SLC7A1: variants seen among roughly 807,000 people sequenced by gnomAD.
SLC7A1 encodes the protein high affinity cationic amino acid transporter 1.
Under a neutral mutation model 53.9 loss-of-function variants are expected in SLC7A1, and 10 were observed. The ratio of observed to expected loss-of-function variants is 0.19; its 90% CI spans 0.11 to 0.31. SLC7A1 has a LOEUF of 0.31. Ranked by LOEUF, SLC7A1 falls within the 10% of genes least tolerant of loss-of-function variation. SLC7A1 has a pLI of 1.00. For missense variants in SLC7A1, 525 were observed against 827.2 expected (o/e 0.63, Z 4.48); for synonymous variants, 342 against 338.7 (o/e 1.01, Z -0.11).
intron 1 of SLC7A1, among the ~76,000 whole-genome samples, chr13:29,567,244 C>T (rs1871006384): frequency 6.6e-6 from 1 of 152,060 alleles, no homozygotes; most frequent in Non-Finnish European, 1.5e-5. Context: ...TAAATAATGC[C>T]ATACACGTGG....
intron 1 of SLC7A1, among the ~76,000 whole-genome samples, chr13:29,587,273 G>A (rs962275788): frequency 6.6e-6 from 1 of 152,178 alleles, no homozygotes; most frequent in Non-Finnish European, 1.5e-5. Flanking sequence ...TTCTGGGCCA[G>A]GAAAGGGGAG....
chr13:29,524,677 C>T (rs535719164), intron 5 of SLC7A1, among the ~76,000 whole-genome samples: 90 of 152,252 alleles, frequency 5.9e-4, no homozygotes, highest in African/African-American at 2.1e-3. Flanking sequence ...AACTCAATCT[C>T]AAAACAAACA....
chr13:29,520,130 T>C (rs1868562891), intron 8 of SLC7A1, among the ~76,000 whole-genome samples: 1 of 152,020 alleles, frequency 6.6e-6, no homozygotes, highest in African/African-American at 2.4e-5. Context: ...TCCATCTATC[T>C]ATCCATCCAT....
At chr13:29,578,304 T>C (rs1164966231) in intron 1 of SLC7A1, among the ~76,000 whole-genome samples, 4 of 152,166 alleles carry the variant, frequency 2.6e-5, no homozygotes, top group African/African-American at 9.7e-5. Flanking sequence ...TTTTGTTTTT[T>C]GCAAATCGAA....
rs146432104 is a variant in SLC7A1 at position 29,576,292 on chromosome 13, T to TAAAAAAAAAAA, written c.-115+19123_-115+19124insTTTTTTTTTTT. Among the ~76,000 whole-genome samples, 206 of 107,134 alleles carry TAAAAAAAAAAA rather than the reference T, an allele frequency of 1.9e-3. 4 individuals carry two copies. The highest frequency in any genetic ancestry group is 8.5e-3 in the African/African-American group (183 of 21,566). 70.3% of individuals were successfully genotyped at this position (107,134 alleles called of 152,430 possible). ...GGGTATCAGTATGAGATCCTGTTTTTTAAAAAAAAAAAAAAGGAAAGAAAA... is the reference window on the plus strand; with the variant it reads ...GGGTATCAGTATGAGATCCTGTTTTTAAAAAAAAAAATAAAAAAAAAAAAAAGGAAAGAAAA... On this transcript the variant is annotated intron_variant, in intron 1 of 12. Transcript: ENST00000380752.
At chr13:29,520,724 T>C (rs1387393661) in intron 8 of SLC7A1, among the ~76,000 whole-genome samples, 2 of 152,190 alleles carry the variant, frequency 1.3e-5, no homozygotes, top group South Asian at 2.1e-4. Flanking sequence ...CAAGCCCCTC[T>C]AGATCACTGC....
chr13:29,565,287 G>A (rs1718334516), intron 1 of SLC7A1, among the ~76,000 whole-genome samples: 1 of 152,178 alleles, frequency 6.6e-6, no homozygotes, highest in South Asian at 2.1e-4. Context: ...AGATGCATGA[G>A]TACAATACAA....
chr13:29,538,649 T>C (rs1484735297), intron 2 of SLC7A1, among the ~76,000 whole-genome samples: 1 of 152,264 alleles, frequency 6.6e-6, no homozygotes, highest in Non-Finnish European at 1.5e-5. Flanking sequence ...GCCTTTTTCT[T>C]TTCTTCCTTT....
chr13:29,534,285 C>T lies in SLC7A1; in HGVS notation c.371-1303G>A, dbSNP rs149767393. On this transcript the variant is annotated intron_variant, in intron 3 of 12. Transcript: ENST00000380752. ...ATGCAAATGGTTTCACACAAGCAAACGGCACTCTCGCAGAGCCTTACATTT... is the reference window on the plus strand; with the variant it reads ...ATGCAAATGGTTTCACACAAGCAAATGGCACTCTCGCAGAGCCTTACATTT... 3.5e-3 allele frequency among the ~76,000 whole-genome samples: 533 copies of T among 152,312 alleles called. 6 individuals carry two copies. Among genetic ancestry groups the T allele is most frequent in the African/African-American group, 0.012 (512 of 41,554 alleles).
At chr13:29,578,829 G>T (rs1284246307) in intron 1 of SLC7A1, among the ~76,000 whole-genome samples, 1 of 152,220 alleles carries the variant, frequency 6.6e-6, no homozygotes, top group Admixed American at 6.5e-5. Flanking sequence ...GAGTCCTCTT[G>T]TTCTCAGACC....
chr13:29,579,945 T>C (rs766999830), intron 1 of SLC7A1, among the ~76,000 whole-genome samples: 2 of 152,204 alleles, frequency 1.3e-5, no homozygotes, highest in Admixed American at 6.5e-5. Context: ...AGACCCATTG[T>C]TCCTACTAGA....
chr13:29,524,295 C>T (rs922358203), intron 5 of SLC7A1, 42 bp from the exon 6 acceptor site: 37 of 1,612,460 alleles, frequency 2.3e-5, no homozygotes, highest in Middle Eastern at 1.7e-4. Flanking sequence ...TCACTCGCTG[C>T]GCAGTCTGGC....
At chr13:29,563,330 G>A (rs539308210) in intron 1 of SLC7A1, among the ~76,000 whole-genome samples, 42 of 152,332 alleles carry the variant, frequency 2.8e-4, no homozygotes, top group Non-Finnish European at 4.9e-4. Context: ...CGTGTGCAAC[G>A]GTGGACGGCA....
intron 1 of SLC7A1, among the ~76,000 whole-genome samples, chr13:29,582,910 C>T (rs1203589214): frequency 1.3e-5 from 2 of 152,198 alleles, no homozygotes; most frequent in Admixed American, 6.5e-5. Context: ...TAGCTACCTA[C>T]ACGCTCTTTA....
At chr13:29,573,124 G>A (rs989843347) in intron 1 of SLC7A1, among the ~76,000 whole-genome samples, 3 of 152,086 alleles carry the variant, frequency 2.0e-5, no homozygotes, top group Non-Finnish European at 2.9e-5. Context: ...TAAACTGAAG[G>A]TCACTCAGGA....
At chr13:29,535,661 A>T (rs1869376013) in intron 3 of SLC7A1, among the ~76,000 whole-genome samples, 158 bp downstream of exon 3, 1 of 152,236 alleles carries the variant, frequency 6.6e-6, no homozygotes, top group Admixed American at 6.5e-5. Context: ...CTACTAAAAG[A>T]AACTAAATAC....
intron 5 of SLC7A1, among the ~76,000 whole-genome samples, chr13:29,528,174 TAACCAAAGAA>T (rs1868986206): frequency 6.6e-6 from 1 of 152,230 alleles, no homozygotes; most frequent in African/African-American, 2.4e-5. Context: ...CCCCAGAGGT[TAACCAAAGAA>T]AACCAAAGCC....
intron 1 of SLC7A1, among the ~76,000 whole-genome samples, chr13:29,554,133 A>G (rs1426152336): frequency 6.6e-6 from 1 of 152,200 alleles, no homozygotes; most frequent in South Asian, 2.1e-4. Flanking sequence ...TATTTCAAAG[A>G]GGAAGATAGA....
chr13:29,595,265 G>A (rs1212973780), intron 1 of SLC7A1, among the ~76,000 whole-genome samples, 151 bp downstream of exon 1: 1 of 151,912 alleles, frequency 6.6e-6, no homozygotes, highest in Non-Finnish European at 1.5e-5. Flanking sequence ...CCCTGGTCCT[G>A]GCCCTTCCCA....
Sources: gnomAD v4.1 joint callset for allele counts (sites outside exome capture counted in the v4.1 genomes callset) on GRCh38, gnomAD v4.1.1 for gene constraint, MANE v1.5 for transcripts, NCBI Gene and HGNC (gene_info 2026-07-23, HGNC 2026-07-21) for gene names.